The following CIP2A variants were observed in gnomAD, a reference collection of about 807,000 sequenced individuals.
CIP2A encodes the protein cellular inhibitor of PP2A, also known as protein CIP2A.
A neutral mutation model predicts 110.9 loss-of-function variants in CIP2A; 103 were observed. The ratio of observed to expected loss-of-function variants is 0.93; its 90% confidence interval spans 0.79 to 1.09. The LOEUF is 1.09. CIP2A is among the 50% of genes least tolerant of loss of function. The pLI is 0.00. For synonymous variants in CIP2A, 381 were observed against 361.6 expected (o/e 1.05, Z -0.61); for missense variants, 1,088 against 1,038.4 (o/e 1.05, Z -0.66).
At position 108,551,306 on chromosome 3, in the gene CIP2A, T is replaced by C; in HGVS notation, c.2561A>G (p.Glu854Gly). ...ACCTTCTAATTGTGCCTTTTGAACC[T>C]CTAGGGAGGAAGCCTAAGGAATTGG... ...KELSIKASSL[E>G]VQKAQLEGRL... Residue 854 changes from glutamate to glycine, a missense_variant, in exon 21 of 21, where the codon GAG becomes GGG. Physicochemically the swap from Glu to Gly is moderately conservative, Grantham distance 98. Transcript: ENST00000295746. 4 of 1,608,156 alleles carry C rather than the reference T, an allele frequency of 2.5e-6. No homozygotes were observed. Among genetic ancestry groups the C allele is most frequent in the Non-Finnish European group, 3.4e-6 (4 of 1,176,724 alleles).
At chr3:108,551,827 A>G (rs1445337157) in intron 20 of CIP2A, among the ~76,000 whole-genome samples, 1 of 152,144 alleles carries the variant, frequency 6.6e-6, no homozygotes, top group East Asian at 1.9e-4. Flanking sequence ...TTCAGAATAT[A>G]TACCTATTGA....
In CIP2A at chr3:108,579,424, T is replaced by C. The variant is rs759961055; in HGVS notation, c.675A>G (p.Leu225=). The C allele has an allele frequency of 1.4e-5, 22 of 1,606,308 alleles. No homozygotes were observed. The South Asian group carries it at 2.3e-4, about 17-fold the overall frequency. ...LTLNEEVGEK[L]FHARNIHQTF... ...TCTGATGAATGTTTCGAGCATGGAA[T>C]AGCTTAAGGACAAATTAGAAAAAGC... The change falls in exon 7 of 21, where the codon CTA becomes CTG. Residue 225 remains leucine (L), a splice_region_variant and synonymous_variant. Transcript: ENST00000295746.
At chr3:108,565,502 G>C (rs1246441130) in intron 11 of CIP2A, 48 bp from the exon 12 acceptor site, 1 of 1,037,530 alleles carries the variant, frequency 9.6e-7, no homozygotes, top group East Asian at 2.5e-5. Flanking sequence ...AAATTTCTTA[G>C]AGCTTGTTTC....
Position 108,581,520 on chromosome 3 carries a change from T to C in CIP2A, c.453-9A>G, listed in dbSNP as rs776335132. On this transcript the variant is annotated splice_polypyrimidine_tract_variant and intron_variant, in intron 4 of 20. Transcript: ENST00000295746. ...CATCTTCAGAAGATTGACTGTTGTT[T>C]TACATTGGTGTTTTGTTTAAAGAAA... 6.5e-7 allele frequency: 1 copy of C among 1,546,748 alleles called. No individual in the cohort carries two copies. The highest frequency in any genetic ancestry group is 8.9e-7 in the Non-Finnish European group (1 of 1,121,378).
At chr3:108,580,646 T>A (rs1938839547) in intron 5 of CIP2A, among the ~76,000 whole-genome samples, 1 of 151,906 alleles carries the variant, frequency 6.6e-6, no homozygotes, top group South Asian at 2.1e-4. Flanking sequence ...TTTTTTTTTT[T>A]AAGGATGGAG....
At chr3:108,562,466 TA>T (rs1009948421) in intron 13 of CIP2A, among the ~76,000 whole-genome samples, 2 of 152,112 alleles carry the variant, frequency 1.3e-5, no homozygotes, top group Non-Finnish European at 2.9e-5. Flanking sequence ...TACTTCAAAT[TA>T]TTCAAACCAT....
intron 9 of CIP2A, among the ~76,000 whole-genome samples, chr3:108,569,181 T>TATATATATATATATATACACACACACAC: frequency 3.4e-5 from 2 of 58,270 alleles, no homozygotes; most frequent in East Asian, 6.7e-4. Context: ...TATATATATA[T>TATATATATATATATATACACACACACAC]ACATACACAC....
At position 108,552,315 on chromosome 3, in the gene CIP2A, C is replaced by T. The variant is rs774826038; in HGVS notation, c.2466G>A (p.Arg822=). Residue 822 remains arginine, a synonymous_variant, in exon 20 of 21, where the codon AGG becomes AGA. Transcript: ENST00000295746. ...TATCAATGGTTTCTTCCTTATCTTC[C>T]CTTTCCTTTTGTAAGGTTTTAATCT... ...EEKIKTLQKE[R]EDKEETIDIL... 6.4e-7 allele frequency: 1 copy of T among 1,557,312 alleles called. No individual in the cohort carries two copies. The highest frequency in any genetic ancestry group is 1.4e-5 in the African/African-American group (1 of 72,008).
chr3:108,588,156 G>A (rs1939142223), intron 1 of CIP2A, among the ~76,000 whole-genome samples: 1 of 152,122 alleles, frequency 6.6e-6, no homozygotes. Context: ...CTTAACTCCC[G>A]ATTTTTAAAT....
At chr3:108,579,933 G>A (rs1272056572) in intron 5 of CIP2A, among the ~76,000 whole-genome samples, 4 of 152,272 alleles carry the variant, frequency 2.6e-5, no homozygotes, top group East Asian at 3.9e-4. Context: ...GCGTGCAAAC[G>A]AGTTGGAGAT....
intron 17 of CIP2A, among the ~76,000 whole-genome samples, chr3:108,556,940 C>T (rs1251462280): frequency 6.6e-6 from 1 of 152,108 alleles, no homozygotes; most frequent in Non-Finnish European, 1.5e-5. Context: ...AACAGACAAA[C>T]TTGTCCTTGT....
intron 2 of CIP2A, 29 bp from the exon 3 acceptor site, chr3:108,583,112 T>C (rs552963933): frequency 1.6e-6 from 2 of 1,232,028 alleles, no homozygotes; most frequent in South Asian, 1.5e-5. Flanking sequence ...GCACAAAATA[T>C]ATCATTTTCT....
At chr3:108,553,116 C>CTTTTTTTTTT (rs1559687188) in intron 19 of CIP2A, among the ~76,000 whole-genome samples, 3 of 131,106 alleles carry the variant, frequency 2.3e-5, no homozygotes, top group Admixed American at 8.5e-5. Context: ...CATCTCTTTC[C>CTTTTTTTTTT]TTTTGTTTTT....
Position 108,581,407 on chromosome 3 carries a change from C to A in CIP2A, c.549+8G>T, listed in dbSNP as rs1186211063. 6.3e-7 allele frequency: 1 copy of A among 1,579,856 alleles called. No homozygotes were observed. Among genetic ancestry groups the A allele is most frequent in the East Asian group, 2.2e-5 (1 of 44,608 alleles). ...ACAAGAAACATTAAAAAGAAATAAA[C>A]TTCTTACCAATGTCTTTATGTGCGT... On this transcript the variant is annotated splice_region_variant and intron_variant, in intron 5 of 20. Transcript: ENST00000295746.
intron 5 of CIP2A, 107 bp downstream of exon 5, chr3:108,581,308 C>G: frequency 2.6e-6 from 2 of 771,534 alleles, no homozygotes; most frequent in Non-Finnish European, 4.2e-6. Context: ...CGATAAGACA[C>G]AGAATCCTTG....
chr3:108,562,533 TAGAC>T (rs1257214182), intron 13 of CIP2A, among the ~76,000 whole-genome samples: 3 of 152,162 alleles, frequency 2.0e-5, no homozygotes, highest in African/African-American at 7.2e-5. Context: ...AGACTCCTAA[TAGAC>T]ATTTAGTTCA....
At chr3:108,584,754 C>A in intron 2 of CIP2A, 1 of 216,414 alleles carries the variant, frequency 4.6e-6, no homozygotes, top group Non-Finnish European at 9.1e-6. Context: ...ATATCCCCAC[C>A]GCCCTGCCCC....
intron 19 of CIP2A, 119 bp from the exon 20 acceptor site, chr3:108,552,492 C>T: frequency 1.9e-6 from 1 of 534,630 alleles, no homozygotes; most frequent in Non-Finnish European, 3.1e-6. Context: ...AGAGAAACTT[C>T]TCTTATGACA....
chr3:108,579,716 T>C lies in CIP2A; in HGVS notation c.550-28A>G, dbSNP rs1469437608. On this transcript the variant is annotated intron_variant, in intron 5 of 20. Transcript: ENST00000295746. ...GAGGAAAAAAAAGTTAAAAAATAAATTAGAATTATAAATTTTATGTTTTGG... is the reference window on the plus strand; with the variant it reads ...GAGGAAAAAAAAGTTAAAAAATAAACTAGAATTATAAATTTTATGTTTTGG... 13 of 1,416,992 alleles carry C rather than the reference T, an allele frequency of 9.2e-6. No individual in the cohort carries two copies. The Admixed American group carries it at 9.5e-5, about 10-fold the overall frequency. 87.8% of individuals were successfully genotyped at this position (1,416,992 alleles called of 1,614,324 possible). A position where few individuals can be genotyped will look rare whatever the true frequency, so the allele number is the denominator to read the frequency against.
Sources: allele counts gnomAD v4.1 joint callset (sites outside exome capture counted in the v4.1 genomes callset), GRCh38; gene constraint gnomAD v4.1.1; transcripts MANE v1.5; gene names NCBI Gene and HGNC (gene_info 2026-07-23, HGNC 2026-07-21).